Variants in LMF1 observed in about 807,000 individuals in gnomAD.
The protein encoded by LMF1 is lipase maturation factor 1.
In LMF1, 68 loss-of-function variants were observed where a neutral mutation model predicts 60.6. The observed-to-expected ratio is 1.12, with a 90% confidence interval of 0.92 to 1.37. The LOEUF (loss-of-function observed/expected upper bound fraction) is 1.37, where lower values mean the gene tolerates loss of function less well. LMF1 is among the 40% of genes most tolerant of loss of function. The pLI, the probability that LMF1 is intolerant of heterozygous loss-of-function variation, is 0.00. For missense variants in LMF1, 948 were observed against 767.2 expected (o/e 1.24, Z -2.78); for synonymous variants, 418 against 324.7 (o/e 1.29, Z -3.09).
chr16:971,070 C>A, upstream of LMF1: 2 of 1,307,126 alleles, frequency 1.5e-6, no homozygotes, highest in Non-Finnish European at 2.0e-6. Context: ...GCCGGCCCTG[C>A]CCACGGCCGA....
intron 4 of LMF1, among the ~76,000 whole-genome samples, chr16:909,006 TCC>T: frequency 6.6e-6 from 1 of 152,010 alleles, no homozygotes; most frequent in African/African-American, 2.4e-5. Context: ...GGTGTTGAGG[TCC>T]CTCTCTGTGG....
intron 5 of LMF1, 100 bp from the exon 6 acceptor site, chr16:879,837 T>C (rs1042120914): frequency 2.6e-5 from 31 of 1,210,910 alleles, no homozygotes; most frequent in Non-Finnish European, 3.6e-5. Flanking sequence ...CGGCTCCTAC[T>C]GCACACAGGA....
chr16:948,106 T>G (rs1395924270), intron 2 of LMF1, among the ~76,000 whole-genome samples: 1 of 107,576 alleles, frequency 9.3e-6, no homozygotes, highest in African/African-American at 3.7e-5. Context: ...AACGACAGAG[T>G]CAGCCAACGA....
At chr16:915,768 C>T (rs928261041) in intron 3 of LMF1, among the ~76,000 whole-genome samples, 5 of 152,236 alleles carry the variant, frequency 3.3e-5, no homozygotes, top group Non-Finnish European at 4.4e-5. Context: ...ACGAGAGACA[C>T]GCAGGGTGGG....
intron 10 of LMF1, among the ~76,000 whole-genome samples, chr16:866,825 G>C (rs894890826): frequency 6.6e-6 from 1 of 152,148 alleles, no homozygotes; most frequent in Non-Finnish European, 1.5e-5. Flanking sequence ...TGGCATTACT[G>C]GGTTTCCAGT....
intron 1 of LMF1, chr16:976,931 T>G: frequency 2.2e-6 from 1 of 454,054 alleles, no homozygotes; most frequent in Non-Finnish European, 4.4e-6. Flanking sequence ...GCTCCCAGTG[T>G]GTCAGGGGAG....
At chr16:957,276 C>T (rs2072727036) in intron 1 of LMF1, among the ~76,000 whole-genome samples, 1 of 152,180 alleles carries the variant, frequency 6.6e-6, no homozygotes, top group Admixed American at 6.5e-5. Flanking sequence ...AGGAATCTGG[C>T]TTGGGGTCCA....
chr16:867,059 C>T (rs2069628703), intron 10 of LMF1, among the ~76,000 whole-genome samples: 1 of 152,186 alleles, frequency 6.6e-6, no homozygotes. Flanking sequence ...ATGATGAACT[C>T]AATGCAGGCC....
chr16:900,511 TTTTC>T (rs1372448864), intron 4 of LMF1: 1 of 152,010 alleles, frequency 6.6e-6, no homozygotes, highest in Non-Finnish European at 1.5e-5. Flanking sequence ...TTCTTTTTTC[TTTTC>T]TTTTATTTTT....
In LMF1 at chr16:893,032, AGGTCTCGCCAGCACC is replaced by A; in HGVS notation, c.689_703del (p.Arg230_Asp234del). On this transcript the variant is annotated inframe_deletion, in exon 5 of 11. Transcript: ENST00000262301. ...CTCATAGTGGAAGTCCATGCAGGTG[AGGTCTCGCCAGCACC>A]GGTCCCCCCGGATCTTGATCAGGCC... 1 of 1,551,800 alleles carries A rather than the reference AGGTCTCGCCAGCACC, an allele frequency of 6.4e-7. No individual in the cohort carries two copies. The highest frequency in any genetic ancestry group is 8.7e-7 in the Non-Finnish European group (1 of 1,147,712).
chr16:889,625 C>T (rs2070419261), intron 5 of LMF1, among the ~76,000 whole-genome samples: 1 of 152,190 alleles, frequency 6.6e-6, no homozygotes, highest in African/African-American at 2.4e-5. Context: ...CCCCCTCTGA[C>T]TCCTTATCTG....
Position 944,435 on chromosome 16 carries a change from T to C in LMF1, c.503+9922A>G, listed in dbSNP as rs190859768. On this transcript the variant is annotated intron_variant, in intron 2 of 10. Transcript: ENST00000262301. ...CGCACAAATGCAAGCTGCCCTCAAC[T>C]CTGATCCCTGCCTCCTGAGCTTGGA... is the stretch of plus-strand genomic sequence containing the variant. Among the ~76,000 whole-genome samples the C allele has an allele frequency of 3.3e-5, 5 of 152,350 alleles. No individual in the cohort carries two copies. In the East Asian group the frequency reaches 9.6e-4, roughly 29 times the overall value.
At chr16:949,542 C>CCAACGACAGAGTCAGAGA in intron 2 of LMF1, among the ~76,000 whole-genome samples, 1 of 117,372 alleles carries the variant, frequency 8.5e-6, no homozygotes, top group East Asian at 2.6e-4. Flanking sequence ...AGAGTCAGAG[C>CCAACGACAGAGTCAGAGA]CAACGACAGA....
chr16:864,517 G>A (rs542207624), intron 10 of LMF1, among the ~76,000 whole-genome samples: 2 of 152,188 alleles, frequency 1.3e-5, no homozygotes, highest in Non-Finnish European at 2.9e-5. Flanking sequence ...TAATGTAAGT[G>A]TTCTGAGCAC....
chr16:870,660 A>C, intron 8 of LMF1, 69 bp downstream of exon 8: 1 of 1,571,032 alleles, frequency 6.4e-7, no homozygotes, highest in South Asian at 1.1e-5. Flanking sequence ...ACCCCACCTG[A>C]ATGTGGCTGG....
At position 967,502 on chromosome 16, in the gene LMF1, C is replaced by T. The variant is rs114019514; in HGVS notation, c.193+3286G>A. ...TGCAGGAGGCACCGGCACCCATGGGCGGCCGGCACTGCCCCTACACACCAA... is the reference window on the plus strand; with the variant it reads ...TGCAGGAGGCACCGGCACCCATGGGTGGCCGGCACTGCCCCTACACACCAA... On this transcript the variant is annotated intron_variant, in intron 1 of 10. Coordinates refer to ENST00000262301, the MANE Select transcript of LMF1 (RefSeq NM_022773.4). Among the ~76,000 whole-genome samples the T allele has an allele frequency of 2.2e-3, 336 of 152,288 alleles. 1 individual carries two copies. Among genetic ancestry groups the T allele is most frequent in the African/African-American group, 7.6e-3 (315 of 41,562 alleles).
At chr16:933,864 C>T in intron 3 of LMF1, 2 of 917,878 alleles carry the variant, frequency 2.2e-6, no homozygotes, top group Middle Eastern at 4.6e-4. Flanking sequence ...CCAAAGTGCC[C>T]ACCAGCGTGA....
chr16:908,392 C>G (rs2052962541), intron 4 of LMF1, among the ~76,000 whole-genome samples: 1 of 152,232 alleles, frequency 6.6e-6, no homozygotes, highest in Non-Finnish European at 1.5e-5. Flanking sequence ...TCTGCAGCCA[C>G]TCACGCACCC....
In LMF1 at chr16:954,008, C is replaced by T. The variant is rs546925721; in HGVS notation, c.503+349G>A. ...AGACACCCCAAACCAGCCTCCTACACGTCCACACAGACACCCACCCCAAAC... is the reference window on the plus strand; with the variant it reads ...AGACACCCCAAACCAGCCTCCTACATGTCCACACAGACACCCACCCCAAAC... On this transcript the variant is annotated intron_variant, in intron 2 of 10. Coordinates refer to ENST00000262301, the MANE Select transcript of LMF1 (RefSeq NM_022773.4). 1.7e-3 allele frequency among the ~76,000 whole-genome samples: 157 copies of T among 90,314 alleles called. 26 individuals carry two copies. The highest frequency in any genetic ancestry group is 2.1e-3 in the Non-Finnish European group (95 of 45,788). The allele number at this position is 90,314 out of a possible 152,430, so 59.2% of individuals were successfully genotyped here.
Sources: allele counts gnomAD v4.1 joint callset (sites outside exome capture counted in the v4.1 genomes callset), GRCh38; gene constraint gnomAD v4.1.1; transcripts MANE v1.5; gene names NCBI Gene and HGNC (gene_info 2026-07-23, HGNC 2026-07-21).